TSNAXIP1: variants seen among roughly 807,000 people sequenced by gnomAD.
TSNAXIP1 encodes translin associated factor X interacting protein 1, also known as translin-associated factor X-interacting protein 1.
A neutral mutation model predicts 84.8 loss-of-function variants in TSNAXIP1; 89 were observed. The observed-to-expected ratio is 1.05, with a 90% confidence interval of 0.88 to 1.25. The LOEUF (loss-of-function observed/expected upper bound fraction) is 1.25. Among genes scored for constraint, TSNAXIP1 ranks in the 50% most tolerant of loss-of-function variants. The pLI is 0.00. For missense variants in TSNAXIP1, 874 were observed against 887.6 expected, an observed-to-expected ratio of 0.98 and a Z score of 0.20; for synonymous variants, 347 against 335.2, an observed-to-expected ratio of 1.04 and a Z score of -0.39.
intron 1 of TSNAXIP1, among the ~76,000 whole-genome samples, chr16:67,811,815 T>TG (rs1187192777): frequency 3.3e-5 from 5 of 152,172 alleles, no homozygotes; most frequent in African/African-American, 7.2e-5. Flanking sequence ...TGTATCTTGT[T>TG]GGTCTCCAAG....
chr16:67,825,363 T>A, intron 7 of TSNAXIP1, 91 bp downstream of exon 7: 3 of 1,531,574 alleles, frequency 2.0e-6, no homozygotes, highest in Non-Finnish European at 2.7e-6. Context: ...TCAGCATTCC[T>A]AAGACCTGCT....
At chr16:67,817,533 G>A (rs1357410780) in intron 2 of TSNAXIP1, among the ~76,000 whole-genome samples, 1 of 149,644 alleles carries the variant, frequency 6.7e-6, no homozygotes, top group South Asian at 2.1e-4. Flanking sequence ...GCCCGCCTTG[G>A]CCTCCCAAAG....
At chr16:67,811,069 G>A (rs180927325) in intron 1 of TSNAXIP1, among the ~76,000 whole-genome samples, 28 of 151,024 alleles carry the variant, frequency 1.9e-4, no homozygotes, top group African/African-American at 5.6e-4. Flanking sequence ...CTATCCTCCC[G>A]CCTCTTAGCC....
intron 5 of TSNAXIP1, among the ~76,000 whole-genome samples, chr16:67,824,345 A>G (rs1180619761): frequency 1.3e-5 from 2 of 152,190 alleles, no homozygotes; most frequent in African/African-American, 4.8e-5. Context: ...GTGCAGCTGC[A>G]GGACTTAAGG....
rs773319828 is a variant in TSNAXIP1 at position 67,826,705 on chromosome 16, C to T, written c.1415C>T (p.Pro472Leu). 5.0e-6 allele frequency: 8 copies of T among 1,613,632 alleles called. No individual in the cohort carries two copies. The South Asian group carries it at 8.8e-5, about 18-fold the overall frequency. The change falls in exon 12 of 16, where the codon CCA becomes CTA. Residue 472 changes from proline (P) to leucine (L), a missense_variant. By Grantham distance (98) the Pro-to-Leu change is moderately conservative (BLOSUM62 -3). Coordinates refer to ENST00000561639, the MANE Select transcript of TSNAXIP1 (RefSeq NM_001288990.3). ...RLAEEQKETF[P>L]DFFFNFLEHR... ...TCGATCCCGCAGAAAGAGACGTTCC[C>T]AGATTTCTTCTTCAATTTCCTGGAG... is the stretch of plus-strand genomic sequence containing the variant.
rs1390157308 is a variant in TSNAXIP1 at position 67,807,376 on chromosome 16, T to C, written c.47+180T>C. 10 of 1,530,050 alleles carry C rather than the reference T, an allele frequency of 6.5e-6. No individual in the cohort carries two copies. In the Admixed American group the frequency reaches 7.9e-5, roughly 12 times the overall value. 94.8% of individuals were successfully genotyped at this position (1,530,050 alleles called of 1,614,324 possible). On this transcript the variant is annotated intron_variant, in intron 1 of 15. Coordinates refer to ENST00000561639, the MANE Select transcript of TSNAXIP1 (RefSeq NM_001288990.3). ...TTAGCCCAGTGAAGACGTTACGTGC[T>C]AGCAAAACGGTAGGCGCACTTTATC...
chr16:67,807,440 T>A (rs2055549568), intron 1 of TSNAXIP1: 1 of 1,408,780 alleles, frequency 7.1e-7, no homozygotes, highest in Admixed American at 2.3e-5. Context: ...ATGTACTATA[T>A]GCCAAATGCT....
chr16:67,813,831 A>C lies in TSNAXIP1; in HGVS notation c.48-471A>C, dbSNP rs2056323883. Reference sequence around the variant, plus strand: ...ACTTGCTCAAGGGTGGTCCTATTAGAACCCCAGATGTCAGCCCTTAGACCC... The same window carrying C: ...ACTTGCTCAAGGGTGGTCCTATTAGCACCCCAGATGTCAGCCCTTAGACCC... On this transcript the variant is annotated intron_variant, in intron 1 of 15. Transcript: ENST00000561639. 4.6e-5 allele frequency among the ~76,000 whole-genome samples: 7 copies of C among 152,014 alleles called. No individual in the cohort carries two copies. In the South Asian group the frequency reaches 1.5e-3, roughly 31 times the overall value.
intron 15 of TSNAXIP1, 46 bp from the exon 16 acceptor site, chr16:67,827,707 C>A (rs199588098): frequency 6.2e-7 from 1 of 1,611,510 alleles, no homozygotes; most frequent in African/African-American, 1.3e-5. Context: ...GTCTGGGGCA[C>A]GGAGAGGAGG....
At chr16:67,823,775 T>C in intron 5 of TSNAXIP1, 56 bp downstream of exon 5, 1 of 1,489,338 alleles carries the variant, frequency 6.7e-7, no homozygotes, top group Non-Finnish European at 9.3e-7. Flanking sequence ...CCCAGCACTT[T>C]AGGAGGCCGA....
At chr16:67,825,333 C>T in intron 7 of TSNAXIP1, 61 bp downstream of exon 7, 1 of 1,597,264 alleles carries the variant, frequency 6.3e-7, no homozygotes, top group African/African-American at 1.3e-5. Context: ...ACTCTGGTCT[C>T]ACCCCTAAGC....
chr16:67,825,303 C>CTT (rs2057355075), intron 7 of TSNAXIP1, 31 bp downstream of exon 7: 1 of 1,612,414 alleles, frequency 6.2e-7, no homozygotes, highest in African/African-American at 1.3e-5. Context: ...GGGTTTCTCT[C>CTT]TTCTCTGAGA....
chr16:67,825,971 A>T lies in TSNAXIP1; in HGVS notation c.1039A>T (p.Met347Leu). The T allele has an allele frequency of 6.2e-7, 1 of 1,614,132 alleles. No individual in the cohort carries two copies. The highest frequency in any genetic ancestry group is 1.3e-5 in the African/African-American group (1 of 75,056). Residue 347 changes from methionine (M) to leucine (L), a missense_variant, in exon 9 of 16, where the codon ATG (methionine) becomes TTG (leucine). By Grantham distance (15) the Met-to-Leu change is conservative. Transcript: ENST00000561639. ...GGTTCGCAAGGAGCATGAGATCCTC[A>T]TGCAGCTGCACATGAGCACGCTGAA... is the stretch of plus-strand genomic sequence containing the variant. ...EEVRKEHEIL[M>L]QLHMSTLKER...
intron 2 of TSNAXIP1, among the ~76,000 whole-genome samples, chr16:67,816,830 C>G (rs1446660420): frequency 6.6e-6 from 1 of 152,084 alleles, no homozygotes; most frequent in Non-Finnish European, 1.5e-5. Context: ...CTGTTAATAA[C>G]CTAGCCGAGA....
chr16:67,822,566 A>AAGAG (rs143349223), intron 4 of TSNAXIP1, among the ~76,000 whole-genome samples: 4,530 of 149,036 alleles, frequency 0.03, 98 homozygotes, highest in Middle Eastern at 0.16. Flanking sequence ...GGGAGGGAGG[A>AAGAG]AGAGAGAGAG....
At chr16:67,819,815 A>ATTTTTTTTTTTTTTTTTTTTTTTTTTTT (rs1162375778) in intron 2 of TSNAXIP1, among the ~76,000 whole-genome samples, 22 of 102,624 alleles carry the variant, frequency 2.1e-4, no homozygotes, top group Admixed American at 6.2e-4. Flanking sequence ...ACCTGGCTAA[A>ATTTTTTTTTTTTTTTTTTTTTTTTTTTT]TTTTTTTTTT....
chr16:67,810,758 G>A (rs1167985382), intron 1 of TSNAXIP1, among the ~76,000 whole-genome samples: 2 of 145,270 alleles, frequency 1.4e-5, no homozygotes, highest in Non-Finnish European at 3.0e-5. Context: ...TTTTTTTTGA[G>A]ATGGAGTGTC....
At chr16:67,816,858 G>A (rs1365798874) in intron 2 of TSNAXIP1, among the ~76,000 whole-genome samples, 11 of 151,832 alleles carry the variant, frequency 7.2e-5, no homozygotes, top group Admixed American at 7.2e-4. Flanking sequence ...CTGGCAGCTG[G>A]TTCTCCAGCT....
Position 67,824,742 on chromosome 16 carries a change from A to G in TSNAXIP1, c.641A>G (p.Asp214Gly). Reference protein sequence around the residue: ...KEKMNLLKLIDKKNEEKISLQ... With the variant: ...KEKMNLLKLIGKKNEEKISLQ... ...AAGATGAACTTGCTAAAACTCATCG[A>G]CAAAAAGAATGAGGAGAAGATTTCA... The change falls in exon 6 of 16, where the codon GAC (aspartate) becomes GGC (glycine). Residue 214 changes from aspartate to glycine, a missense_variant. Asp to Gly is a moderately conservative substitution (Grantham distance 94). Transcript: ENST00000561639. 1 of 1,614,164 alleles carries G rather than the reference A, an allele frequency of 6.2e-7. No homozygotes were observed.
Sources: allele counts gnomAD v4.1 joint callset (sites outside exome capture counted in the v4.1 genomes callset), GRCh38; gene constraint gnomAD v4.1.1; transcripts MANE v1.5; gene names NCBI Gene and HGNC (gene_info 2026-07-23, HGNC 2026-07-21).